EYS: variants seen among roughly 807,000 people sequenced by gnomAD.
EYS encodes the protein protein eyes shut homolog.
Under a neutral mutation model 282.1 loss-of-function variants are expected in EYS, and 250 were observed. The observed-to-expected ratio is 0.89, with a 90% CI of 0.80 to 0.98. The LOEUF is 0.98. EYS is among the 50% of genes least tolerant of loss of function. The pLI, the probability that EYS is intolerant of heterozygous loss-of-function variation, is 0.00. For missense variants in EYS, 4,016 were observed against 3,709.0 expected, an observed-to-expected ratio of 1.08 and a Z score of -2.15; for synonymous variants, 1,355 against 1,282.9, an observed-to-expected ratio of 1.06 and a Z score of -1.20.
At chr6:64,497,109 A>G (rs974164429) in intron 26 of EYS, among the ~76,000 whole-genome samples, 2 of 152,128 alleles carry the variant, frequency 1.3e-5, no homozygotes, top group Non-Finnish European at 2.9e-5. Context: ...ACCATAGGAG[A>G]TGTAGTAACA....
intron 28 of EYS, among the ~76,000 whole-genome samples, chr6:64,422,991 C>A (rs1191477569): frequency 2.0e-5 from 3 of 151,532 alleles, no homozygotes; most frequent in Non-Finnish European, 4.4e-5. Flanking sequence ...TTTGGTTTTT[C>A]TTTTAGATAA....
At chr6:64,642,598 G>T (rs1318306054) in intron 22 of EYS, among the ~76,000 whole-genome samples, 3 of 152,042 alleles carry the variant, frequency 2.0e-5, no homozygotes, top group Non-Finnish European at 4.4e-5. Flanking sequence ...CTCTTCTTTG[G>T]AGAAATCATA....
intron 12 of EYS, among the ~76,000 whole-genome samples, chr6:65,126,101 G>A (rs2150199264): frequency 6.6e-6 from 1 of 152,160 alleles, no homozygotes; most frequent in Admixed American, 6.6e-5. Flanking sequence ...TCAGGGTTTT[G>A]TTTCTTTTTG....
intron 8 of EYS, among the ~76,000 whole-genome samples, chr6:65,360,301 A>G (rs1344037279): frequency 6.6e-6 from 1 of 151,998 alleles, no homozygotes; most frequent in Admixed American, 6.6e-5. Context: ...TTAATGTTCA[A>G]TTTCCACTCA....
intron 5 of EYS, among the ~76,000 whole-genome samples, chr6:65,412,548 T>A (rs1194296775): frequency 6.6e-6 from 1 of 152,162 alleles, no homozygotes; most frequent in South Asian, 2.1e-4. Flanking sequence ...AGCAACATAT[T>A]ATTGTGGCCT....
chr6:65,395,464 A>G (rs1766245047), intron 7 of EYS, among the ~76,000 whole-genome samples: 1 of 152,166 alleles, frequency 6.6e-6, no homozygotes, highest in South Asian at 2.1e-4. Flanking sequence ...TTGGTATATT[A>G]TATAGTGTGA....
chr6:65,141,162 A>G (rs1764327599), intron 12 of EYS, among the ~76,000 whole-genome samples: 2 of 152,112 alleles, frequency 1.3e-5, no homozygotes, highest in Non-Finnish European at 2.9e-5. Context: ...CTATGCAGCC[A>G]CAAAAAATGA....
chr6:65,669,109 G>C (rs1183876023), intron 1 of EYS, among the ~76,000 whole-genome samples: 1 of 151,806 alleles, frequency 6.6e-6, no homozygotes, highest in Non-Finnish European at 1.5e-5. Context: ...GAATTTCTTG[G>C]TATATAATCA....
intron 30 of EYS, among the ~76,000 whole-genome samples, chr6:64,236,522 C>T (rs1428281316): frequency 2.0e-5 from 3 of 152,090 alleles, no homozygotes; most frequent in Non-Finnish European, 4.4e-5. Flanking sequence ...GAGGCTTCAC[C>T]GTTTTACATT....
intron 26 of EYS, among the ~76,000 whole-genome samples, chr6:64,530,613 C>T (rs1764297057): frequency 6.6e-6 from 1 of 151,970 alleles, no homozygotes; most frequent in Non-Finnish European, 1.5e-5. Flanking sequence ...AAAAGCATCA[C>T]TTGATATAAA....
intron 31 of EYS, among the ~76,000 whole-genome samples, chr6:64,203,637 T>A (rs980058284): frequency 3.9e-5 from 6 of 152,066 alleles, no homozygotes; most frequent in African/African-American, 1.4e-4. Context: ...CAATGACAGC[T>A]AATAGGAGAT....
intron 33 of EYS, among the ~76,000 whole-genome samples, chr6:64,009,549 G>A (rs975923219): frequency 1.3e-5 from 2 of 152,130 alleles, no homozygotes; most frequent in Admixed American, 6.5e-5. Flanking sequence ...CTCCGAAAGT[G>A]CTGGGATTAC....
chr6:64,694,263 G>A (rs1225039102), intron 22 of EYS, among the ~76,000 whole-genome samples: 1 of 152,050 alleles, frequency 6.6e-6, no homozygotes, highest in Non-Finnish European at 1.5e-5. Context: ...ATCCATGAAG[G>A]AACATGGGGT....
intron 12 of EYS, among the ~76,000 whole-genome samples, chr6:65,237,253 T>C (rs1193094599): frequency 1.3e-5 from 2 of 152,194 alleles, no homozygotes; most frequent in East Asian, 1.9e-4. Flanking sequence ...CCAGATACTA[T>C]TCAAACATAT....
At chr6:63,951,616 C>T (rs930557354) in intron 35 of EYS, among the ~76,000 whole-genome samples, 3 of 152,164 alleles carry the variant, frequency 2.0e-5, no homozygotes, top group African/African-American at 7.2e-5. Context: ...TCTTCCTCAG[C>T]TTCTGCTCCT....
chr6:64,978,352 C>T (rs192195431), intron 14 of EYS, among the ~76,000 whole-genome samples: 121 of 152,016 alleles, frequency 8.0e-4, no homozygotes, highest in African/African-American at 2.7e-3. Flanking sequence ...CATCTGTTTA[C>T]AGCATGGCTT....
chr6:64,684,264 A>C (rs1229765191), intron 22 of EYS, among the ~76,000 whole-genome samples: 2 of 152,220 alleles, frequency 1.3e-5, no homozygotes, highest in African/African-American at 2.4e-5. Context: ...ATTACCATGA[A>C]CAACAACAGA....
At chr6:64,139,943 G>A (rs1209662328) in intron 31 of EYS, among the ~76,000 whole-genome samples, 1 of 151,216 alleles carries the variant, frequency 6.6e-6, no homozygotes, top group Non-Finnish European at 1.5e-5. Flanking sequence ...ACTCCAGCCT[G>A]GGTGACAGAG....
Position 65,592,782 on chromosome 6 carries a change from C to T in EYS, c.-333+46996G>A, listed in dbSNP as rs542979973. Among the ~76,000 whole-genome samples the T allele has an allele frequency of 7.9e-5, 12 of 152,058 alleles. 1 individual carries two copies. In the South Asian group the frequency reaches 2.5e-3, roughly 32 times the overall value. On this transcript the variant is annotated intron_variant, in intron 2 of 42. Coordinates refer to ENST00000503581, the MANE Select transcript of EYS (RefSeq NM_001142800.2). ...ATCTGTGGGAGCAGGAGAAATAAAA[C>T]TAAGAAGAATGGTTGGTTTTATTAA...
Sources: gnomAD v4.1 joint callset for allele counts (sites outside exome capture counted in the v4.1 genomes callset) on GRCh38, gnomAD v4.1.1 for gene constraint, MANE v1.5 for transcripts, NCBI Gene and HGNC (gene_info 2026-07-23, HGNC 2026-07-21) for gene names.